The following PSG1 variants were observed in gnomAD, a reference collection of about 807,000 sequenced individuals.
PSG1 encodes the protein pregnancy specific beta-1-glycoprotein 1.
In PSG1, 60 loss-of-function variants were observed where a neutral mutation model predicts 41.4. The observed-to-expected ratio is 1.45, with a 90% CI of 1.18 to 1.80. The LOEUF (loss-of-function observed/expected upper bound fraction) is 1.80. PSG1 is among the 40% of genes most tolerant of loss of function. The pLI, the probability that PSG1 is intolerant of heterozygous loss-of-function variation, is 0.00. For synonymous variants in PSG1, 256 were observed against 192.9 expected (o/e 1.33, Z -2.71); for missense variants, 806 against 516.9 (o/e 1.56, Z -5.42).
At position 42,866,814 on chromosome 19, in the gene PSG1, G is replaced by A; in HGVS notation, c.*320C>T. On this transcript the variant is annotated 3_prime_UTR_variant, in exon 6 of 6. Coordinates refer to ENST00000436291, the MANE Select transcript of PSG1 (RefSeq NM_001184825.2). ...TAATGACTGCATTATCCTGCCAAGT[G>A]AAAGAGGCAGGCATGAGCAAGGACA... 1 of 581,988 alleles carries A rather than the reference G, an allele frequency of 1.7e-6. No individual in the cohort carries two copies. The highest frequency in any genetic ancestry group is 3.1e-6 in the Non-Finnish European group (1 of 325,396). 36.1% of individuals were successfully genotyped at this position (581,988 alleles called of 1,614,324 possible).
chr19:42,871,673 C>T, intron 3 of PSG1, 94 bp downstream of exon 3: 1 of 1,611,578 alleles, frequency 6.2e-7, no homozygotes, highest in South Asian at 1.1e-5. Flanking sequence ...GTAAAGGTCT[C>T]TGTATTGGAC....
intron 2 of PSG1, among the ~76,000 whole-genome samples, chr19:42,872,677 A>G (rs963690219): frequency 1.3e-5 from 2 of 151,586 alleles, no homozygotes; most frequent in African/African-American, 4.8e-5. Flanking sequence ...TAGTGACTCT[A>G]AAGATAGAGC....
Position 42,868,144 on chromosome 19 carries a change from G to A in PSG1, c.1200C>T (p.Ala400=), listed in dbSNP as rs996980649. ...GLYVCSVRNS[A]TGKESSKSMT... ...TGGATTTGGAGCTTTCCTTGCCAGT[G>A]GCTGAGTTACGAACAGAGCAAACAT... is the stretch of plus-strand genomic sequence containing the variant. The change falls in exon 5 of 6, where the codon GCC becomes GCT. Residue 400 remains alanine (A), a synonymous_variant. Transcript: ENST00000436291. 9.3e-6 allele frequency: 15 copies of A among 1,612,250 alleles called. No individual in the cohort carries two copies. Among genetic ancestry groups the A allele is most frequent in the African/African-American group, 2.7e-5 (2 of 74,672 alleles).
chr19:42,877,531 C>A (rs1481246504), intron 2 of PSG1, among the ~76,000 whole-genome samples: 2 of 151,746 alleles, frequency 1.3e-5, no homozygotes, highest in Non-Finnish European at 2.9e-5. Flanking sequence ...GGGGTTGAGG[C>A]TTCTAGGGCT....
At chr19:42,878,318 T>C (rs1971708954) in intron 1 of PSG1, 40 bp from the exon 2 acceptor site, 3 of 1,561,272 alleles carry the variant, frequency 1.9e-6, no homozygotes, top group Non-Finnish European at 2.6e-6. Context: ...TTGAGACCTA[T>C]GTATTGGTGT....
Position 42,879,592 on chromosome 19 carries a change from G to A in PSG1, c.-11C>T, listed in dbSNP as rs758055309. ...TGAGAGGGTTCCCATGGTCTCTGCT[G>A]CTTGTGTGTTCTCCTCTGTGGAGAT... is the stretch of plus-strand genomic sequence containing the variant. On this transcript the variant is annotated 5_prime_UTR_variant, in exon 1 of 6. Coordinates refer to ENST00000436291, the MANE Select transcript of PSG1 (RefSeq NM_001184825.2). 2 of 1,609,916 alleles carry A rather than the reference G, an allele frequency of 1.2e-6. No individual in the cohort carries two copies. Among genetic ancestry groups the A allele is most frequent in the Non-Finnish European group, 8.5e-7 (1 of 1,177,838 alleles).
rs1242080758 is a variant in PSG1, at chr19:42,875,430, A to C, written c.430+2483T>G. ...GACAGGGTTTACAAAATTTGTAACT[A>C]ATTGCTCCTATAGATAACATCACTA... On this transcript the variant is annotated intron_variant, in intron 2 of 5. Coordinates refer to ENST00000436291, the MANE Select transcript of PSG1 (RefSeq NM_001184825.2). Among the ~76,000 whole-genome samples the C allele has an allele frequency of 4.6e-5, 7 of 151,646 alleles. 1 individual carries two copies. Among genetic ancestry groups the C allele is most frequent in the Admixed American group, 3.3e-4 (5 of 15,194 alleles).
chr19:42,872,728 C>T (rs1271301229), intron 2 of PSG1, among the ~76,000 whole-genome samples: 2 of 151,626 alleles, frequency 1.3e-5, no homozygotes, highest in African/African-American at 4.8e-5. Context: ...AGGGGATAGG[C>T]AAGAGCTGAT....
At chr19:42,875,133 G>T (rs988630543) in intron 2 of PSG1, among the ~76,000 whole-genome samples, 1 of 151,734 alleles carries the variant, frequency 6.6e-6, no homozygotes, top group Non-Finnish European at 1.5e-5. Flanking sequence ...AACTAGCATG[G>T]CTGACTCCAT....
At position 42,869,494 on chromosome 19, in the gene PSG1, T is replaced by A. The variant is rs942537130; in HGVS notation, c.710-460A>T. The A allele has an allele frequency of 1.7e-4, 32 of 186,830 alleles. 1 individual carries two copies. Among genetic ancestry groups the A allele is most frequent in the East Asian group, 2.5e-4 (2 of 8,148 alleles). The allele number at this position is 186,830 out of a possible 1,614,324, so 11.6% of individuals were successfully genotyped here. A position where few individuals can be genotyped will look rare whatever the true frequency, so the allele number is the denominator to read the frequency against. On this transcript the variant is annotated intron_variant, in intron 3 of 5. Transcript: ENST00000436291. Reference sequence around the variant, plus strand: ...GAGATGAGTAATAATGGGACTTCCCTTTGTCCTGCAACCCTGAAGATACTG... The same window carrying A: ...GAGATGAGTAATAATGGGACTTCCCATTGTCCTGCAACCCTGAAGATACTG...
intron 2 of PSG1, among the ~76,000 whole-genome samples, chr19:42,875,394 A>G (rs1971561021): frequency 6.6e-6 from 1 of 151,734 alleles, no homozygotes; most frequent in African/African-American, 2.4e-5. Flanking sequence ...TGACTGCTCC[A>G]GTGTCATTGG....
chr19:42,875,603 C>G (rs139530803), intron 2 of PSG1, among the ~76,000 whole-genome samples: 1 of 151,386 alleles, frequency 6.6e-6, no homozygotes, highest in African/African-American at 2.4e-5. Flanking sequence ...CAGATCATGT[C>G]CCCCTGCCCC....
rs1971396037 is a variant in PSG1, at chr19:42,871,774, A to T, written c.702T>A (p.Asn234Lys). 4 of 1,612,426 alleles carry T rather than the reference A, an allele frequency of 2.5e-6. No homozygotes were observed. The East Asian group carries it at 8.9e-5, about 36-fold the overall frequency. ...GGAACAGAAGATACTCACGGAGGAG[A>T]TTCAGGGTGACTGGGTCACTGCGGC... ...SASRSDPVTL[N>K]LLPKLPKPYI... Residue 234 changes from asparagine (N) to lysine (K), a missense_variant, in exon 3 of 6, where the codon AAT becomes AAA. Asn to Lys is a moderately conservative substitution (Grantham distance 94, BLOSUM62 0). Coordinates refer to ENST00000436291, the MANE Select transcript of PSG1 (RefSeq NM_001184825.2).
chr19:42,867,336 G>C lies in PSG1; in HGVS notation c.1244-186C>G, dbSNP rs1008611198. 4.0e-5 allele frequency: 25 copies of C among 621,858 alleles called. 2 individuals are homozygous for C. The highest frequency in any genetic ancestry group is 2.4e-4 in the African/African-American group (13 of 54,642). 38.5% of individuals were successfully genotyped at this position (621,858 alleles called of 1,614,324 possible). On this transcript the variant is annotated intron_variant, in intron 5 of 5. Coordinates refer to ENST00000436291, the MANE Select transcript of PSG1 (RefSeq NM_001184825.2). Reference sequence around the variant, plus strand: ...GAGTTTCTTCAAATGTGGTCTGATTGTTTACATAAGTGCAGCAAGAGTAGC... The same window carrying C: ...GAGTTTCTTCAAATGTGGTCTGATTCTTTACATAAGTGCAGCAAGAGTAGC...
chr19:42,871,146 C>T (rs192166804), intron 3 of PSG1, among the ~76,000 whole-genome samples: 6 of 151,606 alleles, frequency 4.0e-5, no homozygotes, highest in African/African-American at 7.3e-5. Context: ...ATTTGTTCCA[C>T]CAGTGGCTGA....
intron 4 of PSG1, 99 bp downstream of exon 4, chr19:42,868,657 G>C (rs530455468): frequency 2.5e-6 from 4 of 1,570,770 alleles, no homozygotes; most frequent in Non-Finnish European, 3.5e-6. Flanking sequence ...AGAAGTAAAG[G>C]TGTCTATACT....
At position 42,868,136 on chromosome 19, in the gene PSG1, T is replaced by C. The variant is rs540183346; in HGVS notation, c.1208A>G (p.Lys403Arg). 2.3e-5 allele frequency: 37 copies of C among 1,612,292 alleles called. 1 individual carries two copies. The highest frequency in any genetic ancestry group is 3.1e-5 in the Non-Finnish European group (36 of 1,179,116). ...VCSVRNSATGKESSKSMTVEV... is the reference protein window; with the variant it reads ...VCSVRNSATGRESSKSMTVEV... ...GACTGTCATGGATTTGGAGCTTTCC[T>C]TGCCAGTGGCTGAGTTACGAACAGA... The change falls in exon 5 of 6, where the codon AAG becomes AGG. Residue 403 changes from lysine (K) to arginine (R), a missense_variant. By Grantham distance (26) the Lys-to-Arg change is conservative. Transcript: ENST00000436291.
intron 2 of PSG1, 148 bp from the exon 3 acceptor site, chr19:42,872,193 C>T (rs1600500631): frequency 7.4e-6 from 9 of 1,213,080 alleles, no homozygotes; most frequent in Non-Finnish European, 1.0e-5. Context: ...AAGACAGATG[C>T]ATGGCAATCT....
chr19:42,872,821 A>G (rs1016915399), intron 2 of PSG1, among the ~76,000 whole-genome samples: 2 of 151,864 alleles, frequency 1.3e-5, no homozygotes, highest in African/African-American at 4.8e-5. Context: ...GACCATGTGG[A>G]TCTTTCTAGA....
Sources: gnomAD v4.1 joint callset for allele counts (sites outside exome capture counted in the v4.1 genomes callset) on GRCh38, gnomAD v4.1.1 for gene constraint, MANE v1.5 for transcripts, NCBI Gene and HGNC (gene_info 2026-07-23, HGNC 2026-07-21) for gene names.